HERC1: variants seen among roughly 807,000 people sequenced by gnomAD.
HERC1 encodes HECT and RLD domain containing E3 ubiquitin protein ligase family member 1, also known as probable E3 ubiquitin-protein ligase HERC1.
HERC1 carries 160 observed loss-of-function variants against 554.3 expected under a neutral mutation model. The ratio of observed to expected loss-of-function variants is 0.29; its 90% confidence interval spans 0.25 to 0.33. The LOEUF (loss-of-function observed/expected upper bound fraction) is 0.33, where lower values mean the gene tolerates loss of function less well. Ranked by LOEUF, HERC1 falls within the 10% of genes least tolerant of loss-of-function variation. The pLI, the probability that HERC1 is intolerant of heterozygous loss-of-function variation, is 1.00. For synonymous variants in HERC1, 2,175 were observed against 2,131.7 expected (o/e 1.02, Z -0.56); for missense variants, 4,919 against 5,918.5 (o/e 0.83, Z 5.54).
At position 63,674,873 on chromosome 15, in the gene HERC1, C is replaced by G; in HGVS notation, c.7315G>C (p.Asp2439His). ...EQKPESESAL[D>H]MRTGLTSDDV... ...TCAGATGTTAGGCCTGTTCGCATAT[C>G]TAAAGCGGATTCACTCTCAGGTTTC... The change falls in exon 38 of 78, where the codon GAT becomes CAT. Residue 2439 changes from aspartate (D) to histidine (H), a missense_variant. By Grantham distance (81) the Asp-to-His change is moderately conservative. Coordinates refer to ENST00000443617, the MANE Select transcript of HERC1 (RefSeq NM_003922.4). The G allele has an allele frequency of 6.2e-7, 1 of 1,613,912 alleles. No homozygotes were observed. The highest frequency in any genetic ancestry group is 1.1e-5 in the South Asian group (1 of 91,070).
In HERC1 at chr15:63,634,788, G is replaced by C. The variant is rs757951710; in HGVS notation, c.12515C>G (p.Ser4172Cys). Reference sequence around the variant, plus strand: ...CACTCTCTCTGGAAGTTTTTTGTTAGAGGTATTTCCAAGACCCAGACGACC... The same window carrying C: ...CACTCTCTCTGGAAGTTTTTTGTTACAGGTATTTCCAAGACCCAGACGACC... ...DYGRLGLGNT[S>C]NKKLPERVTA... The change falls in exon 66 of 78, where the codon TCT (serine) becomes TGT (cysteine). Residue 4172 changes from serine to cysteine, a missense_variant. By Grantham distance (112) the Ser-to-Cys change is moderately radical. Around this residue, in one of 11 missense-constraint regions of HERC1, gnomAD observed 410 missense variants for 467.0 expected, o/e 0.88. Coordinates refer to ENST00000443617, the MANE Select transcript of HERC1 (RefSeq NM_003922.4). 6.2e-7 allele frequency: 1 copy of C among 1,613,190 alleles called. No individual in the cohort carries two copies. Among genetic ancestry groups the C allele is most frequent in the South Asian group, 1.1e-5 (1 of 90,946 alleles).
At chr15:63,670,638 C>T (rs566317824) in intron 39 of HERC1, among the ~76,000 whole-genome samples, 3 of 152,282 alleles carry the variant, frequency 2.0e-5, no homozygotes, top group African/African-American at 7.2e-5. Context: ...GGGCATGATT[C>T]TACCACTGAA....
chr15:63,777,751 C>T (rs2076156520), intron 1 of HERC1, among the ~76,000 whole-genome samples: 1 of 152,000 alleles, frequency 6.6e-6, no homozygotes, highest in South Asian at 2.1e-4. Context: ...GTATCCCTGC[C>T]CGACTCTCAC....
In HERC1 at chr15:63,658,554, G is replaced by C. The variant is rs775761479; in HGVS notation, c.9589C>G (p.Leu3197Val). The stretch of plus-strand genomic sequence containing the variant: ...TAAAATAACACTTACCTGACTGAGA[G>C]AAGAGACAGCGCTCTCATGACCATG... ...RTMVMRALSL[L>V]SVSGSSCSLA... is the part of the protein sequence containing the mutation. The change falls in exon 48 of 78, where the codon CTC becomes GTC. Residue 3197 changes from leucine to valine, a missense_variant. Transcript: ENST00000443617. 1.2e-6 allele frequency: 2 copies of C among 1,610,502 alleles called. No individual in the cohort carries two copies. Among genetic ancestry groups the C allele is most frequent in the Non-Finnish European group, 1.7e-6 (2 of 1,177,734 alleles).
At chr15:63,634,027 C>A in intron 66 of HERC1, 57 bp from the exon 67 acceptor site, 3 of 1,595,564 alleles carry the variant, frequency 1.9e-6, no homozygotes, top group Non-Finnish European at 2.6e-6. Context: ...CACACTCCCC[C>A]GTTTCTGGGA....
chr15:63,748,289 A>G (rs1011004368), intron 10 of HERC1, among the ~76,000 whole-genome samples: 13 of 152,148 alleles, frequency 8.5e-5, no homozygotes, highest in Admixed American at 5.9e-4. Flanking sequence ...CAAAGAAGAC[A>G]TTACTGATTA....
At chr15:63,739,301 G>C (rs527608583) in intron 12 of HERC1, among the ~76,000 whole-genome samples, 8 of 150,400 alleles carry the variant, frequency 5.3e-5, no homozygotes, top group African/African-American at 2.0e-4. Context: ...AGGTTCAGGC[G>C]ATTCTCCTGC....
rs894454612 is a variant in HERC1 at position 63,659,953 on chromosome 15, T to C, written c.9224-17A>G. 2 of 1,539,318 alleles carry C rather than the reference T, an allele frequency of 1.3e-6. No individual in the cohort carries two copies. Among genetic ancestry groups the C allele is most frequent in the East Asian group, 2.3e-5 (1 of 43,744 alleles). ...CCCAGTCTTCTGGAATTTAAATAAA[T>C]AAATGTATAGTATGTGAATTTAAAT... On this transcript the variant is annotated splice_polypyrimidine_tract_variant and intron_variant, in intron 46 of 77. Transcript: ENST00000443617.
intron 54 of HERC1, 103 bp downstream of exon 54, chr15:63,649,622 C>A: frequency 1.1e-6 from 1 of 898,970 alleles, no homozygotes; most frequent in Non-Finnish European, 1.7e-6. Context: ...AAAACAAAGC[C>A]AAGATAATAT....
In HERC1 at chr15:63,645,352, T is replaced by C. The variant is rs1210128533; in HGVS notation, c.11078+131A>G. On this transcript the variant is annotated intron_variant, in intron 56 of 77. Transcript: ENST00000443617. ...CTTTCTTTTCTCTGAGGTAATCTTA[T>C]AATGTTACACATTATAAGAATAGCA... is the stretch of plus-strand genomic sequence containing the variant. 7.0e-6 allele frequency: 5 copies of C among 718,880 alleles called. No individual in the cohort carries two copies. In the African/African-American group the frequency reaches 7.2e-5, roughly 10 times the overall value. The allele number at this position is 718,880 out of a possible 1,614,324, so 44.5% of individuals were successfully genotyped here.
At position 63,612,486 on chromosome 15, in the gene HERC1, T is replaced by C; in HGVS notation, c.14165A>G (p.Gln4722Arg). 1 of 1,614,010 alleles carries C rather than the reference T, an allele frequency of 6.2e-7. No homozygotes were observed. Among genetic ancestry groups the C allele is most frequent in the Non-Finnish European group, 8.5e-7 (1 of 1,179,896 alleles). ...VPLLSLLTAK[Q>R]LEQMVCGMPE... ...CATCCCACACACCATCTGCTCCAGT[T>C]GTTTTGCTGTGAGGAGGGACAGCAG... Residue 4722 changes from glutamine to arginine, a missense_variant, in exon 77 of 78, where the codon CAA becomes CGA. By Grantham distance (43) the Gln-to-Arg change is conservative. This residue lies in a region of HERC1 where 284 missense variants were observed against 294.1 expected (regional missense o/e 0.97). Coordinates refer to ENST00000443617, the MANE Select transcript of HERC1 (RefSeq NM_003922.4). This position sits in a 1 kb window ranked among gnomAD's most constrained non-coding sequence, Gnocchi z 5.0.
At chr15:63,658,464 C>T (rs2070171040) in intron 48 of HERC1, 80 bp downstream of exon 48, 2 of 1,269,922 alleles carry the variant, frequency 1.6e-6, no homozygotes, top group Admixed American at 2.4e-5. Context: ...TTCTATCTCA[C>T]CCTCCCAAAC....
chr15:63,805,553 T>A (rs771718563), intron 1 of HERC1, among the ~76,000 whole-genome samples: 1 of 152,188 alleles, frequency 6.6e-6, no homozygotes, highest in Non-Finnish European at 1.5e-5. Context: ...TATATGATGA[T>A]TGTGGTGGTA....
chr15:63,768,351 A>G (rs1198586841), intron 2 of HERC1, among the ~76,000 whole-genome samples: 1 of 152,250 alleles, frequency 6.6e-6, no homozygotes, highest in African/African-American at 2.4e-5. Context: ...AATGTAGGTG[A>G]TGCCAGTGCT....
At position 63,823,505 on chromosome 15, in the gene HERC1, G is replaced by T. The variant is rs1300921103; in HGVS notation, c.-27+10322C>A. On this transcript the variant is annotated intron_variant, in intron 1 of 77. Transcript: ENST00000443617. ...CTACCTAACTGGTAGAAGGAAGAAG[G>T]AGCTGGGGGAAAGAACAGATCTAAC... Among the ~76,000 whole-genome samples, 6 of 152,306 alleles carry T rather than the reference G, an allele frequency of 3.9e-5. No individual in the cohort carries two copies. In the South Asian group the frequency reaches 1.0e-3, roughly 26 times the overall value.
rs1306389043 is a variant in HERC1, at chr15:63,749,524, C to T, written c.2062G>A (p.Ala688Thr). The T allele has an allele frequency of 6.2e-7, 1 of 1,605,696 alleles. No homozygotes were observed. Among genetic ancestry groups the T allele is most frequent in the African/African-American group, 1.3e-5 (1 of 74,520 alleles). ...LALSHDNEVY[A>T]WGNNSMGQCG... is the part of the protein sequence containing the mutation. Reference sequence around the variant, plus strand: ...TGCCCCATTGAGTTATTGCCCCAGGCATAAACTTCATTATCTAAAAACAAA... The same window carrying T: ...TGCCCCATTGAGTTATTGCCCCAGGTATAAACTTCATTATCTAAAAACAAA... The change falls in exon 10 of 78, where the codon GCC becomes ACC. Residue 688 changes from alanine (A) to threonine (T), a missense_variant. Physicochemically the swap from Ala to Thr is moderately conservative, Grantham distance 58 (BLOSUM62 0). This residue lies in a region of HERC1 where 744 missense variants were observed against 1,090.0 expected (regional missense o/e 0.68). Coordinates refer to ENST00000443617, the MANE Select transcript of HERC1 (RefSeq NM_003922.4). The surrounding 1 kb of genome is among the most constrained non-coding windows in gnomAD (Gnocchi z 4.1).
chr15:63,675,278 T>C, intron 37 of HERC1, 161 bp from the exon 38 acceptor site: 2 of 551,968 alleles, frequency 3.6e-6, no homozygotes, highest in East Asian at 3.0e-5. Context: ...GAAAAACGAG[T>C]CTATTATGAG....
At position 63,749,840 on chromosome 15, in the gene HERC1, T is replaced by C. The variant is rs1268473128; in HGVS notation, c.1903-49A>G. Reference sequence around the variant, plus strand: ...CACATAACTTCCTGAGATGATTAGATTGTTGGCTTTAGGGATAAATGAAAT... The same window carrying C: ...CACATAACTTCCTGAGATGATTAGACTGTTGGCTTTAGGGATAAATGAAAT... On this transcript the variant is annotated intron_variant, in intron 8 of 77. Coordinates refer to ENST00000443617, the MANE Select transcript of HERC1 (RefSeq NM_003922.4). The surrounding 1 kb of genome is among the most constrained non-coding windows in gnomAD (Gnocchi z 4.1). 6.9e-7 allele frequency: 1 copy of C among 1,438,936 alleles called. No individual in the cohort carries two copies. The highest frequency in any genetic ancestry group is 9.3e-7 in the Non-Finnish European group (1 of 1,080,546). 89.1% of individuals were successfully genotyped at this position (1,438,936 alleles called of 1,614,324 possible).
chr15:63,767,738 A>G (rs1879464558), intron 2 of HERC1, among the ~76,000 whole-genome samples: 1 of 152,058 alleles, frequency 6.6e-6, no homozygotes, highest in Non-Finnish European at 1.5e-5. Flanking sequence ...CTACCCTCAA[A>G]TCAATGAAAT....
Sources: allele counts gnomAD v4.1 joint callset (sites outside exome capture counted in the v4.1 genomes callset), GRCh38; gene constraint gnomAD v4.1.1; regional missense constraint gnomAD v4.1.1; non-coding constraint Gnocchi (gnomAD v3.1); transcripts MANE v1.5; gene names NCBI Gene and HGNC (gene_info 2026-07-23, HGNC 2026-07-21).